Variants in UBE2L3 observed in about 807,000 individuals in gnomAD.
UBE2L3 encodes ubiquitin-conjugating enzyme E2 L3.
In UBE2L3, 1 loss-of-function variant was observed where a neutral mutation model predicts 17.8. The ratio of observed to expected loss-of-function variants is 0.06; its 90% CI spans 0.02 to 0.27. UBE2L3 has a LOEUF of 0.27. Among genes scored for constraint, UBE2L3 ranks in the 10% least tolerant of loss-of-function variants. The pLI is 1.00. For missense variants in UBE2L3, 40 were observed against 192.6 expected, an observed-to-expected ratio of 0.21 and a Z score of 4.69; for synonymous variants, 44 against 68.5, an observed-to-expected ratio of 0.64 and a Z score of 1.76.
intron 1 of UBE2L3, among the ~76,000 whole-genome samples, chr22:21,571,992 G>A (rs558232112): frequency 2.5e-4 from 38 of 152,168 alleles, no homozygotes; most frequent in East Asian, 7.7e-4. Flanking sequence ...AAAACGTTGC[G>A]TCTTTTTTTC....
chr22:21,615,416 T>G (rs1235999354), intron 3 of UBE2L3, among the ~76,000 whole-genome samples: 4 of 147,586 alleles, frequency 2.7e-5, no homozygotes, highest in South Asian at 2.2e-4. Flanking sequence ...TTAGCCGAGC[T>G]TGGTGGCAGG....
rs757403665 is a variant in UBE2L3, at chr22:21,623,279, G to C, written c.*1610G>C. 1 of 152,544 alleles carries C rather than the reference G, an allele frequency of 6.6e-6. No individual in the cohort carries two copies. The highest frequency in any genetic ancestry group is 1.5e-5 in the Non-Finnish European group (1 of 68,076). The allele number at this position is 152,544 out of a possible 1,614,324, so 9.4% of individuals were successfully genotyped here. Reference sequence around the variant, plus strand: ...TTCGGCAGCCTAACATTGTTCAGGCGCATGGCCCCTGCGGTGTGTACACGA... The same window carrying C: ...TTCGGCAGCCTAACATTGTTCAGGCCCATGGCCCCTGCGGTGTGTACACGA... On this transcript the variant is annotated 3_prime_UTR_variant, in exon 4 of 4. Coordinates refer to ENST00000342192, the MANE Select transcript of UBE2L3 (RefSeq NM_003347.4).
intron 2 of UBE2L3, among the ~76,000 whole-genome samples, chr22:21,603,745 A>G (rs1311497308): frequency 6.6e-6 from 1 of 150,498 alleles, no homozygotes; most frequent in East Asian, 2.0e-4. Flanking sequence ...CGGGAGGCTG[A>G]GGCAGGAGAA....
At chr22:21,613,932 G>A (rs738127) in intron 3 of UBE2L3, among the ~76,000 whole-genome samples, 33,422 of 152,190 alleles carry the variant, frequency 0.22, 4,448 homozygotes, top group East Asian at 0.51. Flanking sequence ...GAACTGGTAC[G>A]GTGTCACTTC....
intron 2 of UBE2L3, among the ~76,000 whole-genome samples, chr22:21,598,476 A>G (rs910765405): frequency 1.5e-4 from 22 of 147,362 alleles, no homozygotes; most frequent in Non-Finnish European, 1.9e-4. Context: ...TAATTTCCCC[A>G]TAATTGTGAG....
intron 2 of UBE2L3, among the ~76,000 whole-genome samples, chr22:21,606,694 A>T (rs1335571320): frequency 6.6e-6 from 1 of 152,076 alleles, no homozygotes; most frequent in Non-Finnish European, 1.5e-5. Flanking sequence ...TATAAGAAAT[A>T]AAAAAATAGC....
chr22:21,591,654 C>T (rs1009727890), intron 1 of UBE2L3, among the ~76,000 whole-genome samples: 8 of 152,100 alleles, frequency 5.3e-5, no homozygotes, highest in Non-Finnish European at 1.0e-4. Flanking sequence ...GTATGAGGTG[C>T]AAGGATCTTT....
chr22:21,615,184 T>C lies in UBE2L3; in HGVS notation c.310+4141T>C, dbSNP rs188994018. On this transcript the variant is annotated intron_variant, in intron 3 of 3. Coordinates refer to ENST00000342192, the MANE Select transcript of UBE2L3 (RefSeq NM_003347.4). ...ACAAAACAAAACAAACAACAAAAAATGGTGTATCTCTACAATGAAATATTA... is the reference window on the plus strand; with the variant it reads ...ACAAAACAAAACAAACAACAAAAAACGGTGTATCTCTACAATGAAATATTA... Among the ~76,000 whole-genome samples the C allele has an allele frequency of 3.1e-4, 47 of 151,482 alleles. No homozygotes were observed. In the East Asian group the frequency reaches 8.5e-3, roughly 27 times the overall value.
intron 3 of UBE2L3, among the ~76,000 whole-genome samples, chr22:21,618,181 A>G (rs1317090699): frequency 6.7e-6 from 1 of 149,740 alleles, no homozygotes; most frequent in Non-Finnish European, 1.5e-5. Context: ...ACGCCATCTC[A>G]ATTAAAAAAA....
intron 1 of UBE2L3, among the ~76,000 whole-genome samples, chr22:21,583,962 G>T (rs1232060942): frequency 6.6e-6 from 1 of 151,854 alleles, no homozygotes; most frequent in Non-Finnish European, 1.5e-5. Context: ...GCAACCTCCT[G>T]CCTCCTGGGT....
At chr22:21,567,626 G>A (rs1056139686), upstream of UBE2L3, 2 of 1,537,740 alleles carry the variant, frequency 1.3e-6, no homozygotes, top group Non-Finnish European at 1.8e-6. Context: ...CACAGTAGGT[G>A]CTCCGCTCTG....
At chr22:21,578,991 T>G (rs1351888231) in intron 1 of UBE2L3, among the ~76,000 whole-genome samples, 1 of 151,638 alleles carries the variant, frequency 6.6e-6, no homozygotes, top group Non-Finnish European at 1.5e-5. Context: ...ATTTATTTAT[T>G]TATTTATTTA....
chr22:21,594,437 T>C (rs887385675), intron 2 of UBE2L3, among the ~76,000 whole-genome samples: 3 of 152,176 alleles, frequency 2.0e-5, no homozygotes, highest in Admixed American at 1.3e-4. Context: ...TTCTTCTTGA[T>C]GCTGGTTATA....
At chr22:21,573,388 C>T (rs1927092005) in intron 1 of UBE2L3, among the ~76,000 whole-genome samples, 1 of 152,166 alleles carries the variant, frequency 6.6e-6, no homozygotes. Context: ...GCATCCCTGT[C>T]TCTTCTCTGT....
chr22:21,569,205 G>T (rs1413583079), intron 1 of UBE2L3, among the ~76,000 whole-genome samples: 1 of 151,924 alleles, frequency 6.6e-6, no homozygotes, highest in African/African-American at 2.4e-5. Flanking sequence ...AGACCAGCCT[G>T]GCCAACATGG....
chr22:21,585,923 G>A (rs898923854), intron 1 of UBE2L3, among the ~76,000 whole-genome samples: 1 of 152,016 alleles, frequency 6.6e-6, no homozygotes, highest in Non-Finnish European at 1.5e-5. Context: ...GTCTAGTGCT[G>A]TTGGATTTCT....
intron 1 of UBE2L3, among the ~76,000 whole-genome samples, chr22:21,582,339 G>T (rs1477787089): frequency 6.6e-6 from 1 of 150,808 alleles, no homozygotes; most frequent in Admixed American, 6.6e-5. Flanking sequence ...TATGAATGTG[G>T]TGGGTTTTTT....
intron 1 of UBE2L3, among the ~76,000 whole-genome samples, chr22:21,579,823 T>C (rs1157233978): frequency 2.0e-5 from 3 of 152,186 alleles, no homozygotes; most frequent in Non-Finnish European, 4.4e-5. Context: ...GGTTGTCTTA[T>C]GCAAGCTTGG....
At position 21,591,922 on chromosome 22, in the gene UBE2L3, C is replaced by T. The variant is rs117431372; in HGVS notation, c.28-939C>T. 4.1e-3 allele frequency among the ~76,000 whole-genome samples: 631 copies of T among 152,120 alleles called. 31 individuals are homozygous for T. In the East Asian group the frequency reaches 0.1, roughly 24 times the overall value. On this transcript the variant is annotated intron_variant, in intron 1 of 3. Coordinates refer to ENST00000342192, the MANE Select transcript of UBE2L3 (RefSeq NM_003347.4). ...ATGTGTCAGAGTGGAGGAATGTTGG[C>T]GAGGCTGGTGTTCTGGCAGGAGGGC...
Sources: allele counts gnomAD v4.1 joint callset (sites outside exome capture counted in the v4.1 genomes callset), GRCh38; gene constraint gnomAD v4.1.1; transcripts MANE v1.5; gene names NCBI Gene and HGNC (gene_info 2026-07-23, HGNC 2026-07-21).